PLCG2: variants seen among roughly 807,000 people sequenced by gnomAD.
The protein encoded by PLCG2 is 1-phosphatidylinositol 4,5-bisphosphate phosphodiesterase gamma-2.
PLCG2 carries 69 observed loss-of-function variants against 175.6 expected under a neutral mutation model. That is an observed-to-expected ratio of 0.39 (90% CI 0.32 to 0.48). The LOEUF is 0.48. Ranked by LOEUF, PLCG2 falls within the 20% of genes least tolerant of loss-of-function variation. The pLI, the probability that PLCG2 is intolerant of heterozygous loss-of-function variation, is 0.91. For missense variants in PLCG2, 1,798 were observed against 1,650.9 expected (o/e 1.09, Z -1.54); for synonymous variants, 827 against 624.0 (o/e 1.33, Z -4.85).
intron 5 of PLCG2, among the ~76,000 whole-genome samples, chr16:81,860,473 A>C (rs1426058535): frequency 6.6e-6 from 1 of 152,104 alleles, no homozygotes; most frequent in Non-Finnish European, 1.5e-5. Context: ...AGAGGTAGCA[A>C]TTTGTATAAT....
At chr16:81,805,154 T>C (rs1198195843) in intron 2 of PLCG2, among the ~76,000 whole-genome samples, 1 of 152,038 alleles carries the variant, frequency 6.6e-6, no homozygotes, top group Non-Finnish European at 1.5e-5. Flanking sequence ...AAAATATTTA[T>C]GAAACAAGAG....
intron 1 of PLCG2, among the ~76,000 whole-genome samples, chr16:81,751,292 A>G (rs1909808093): frequency 6.6e-6 from 1 of 152,108 alleles, no homozygotes; most frequent in East Asian, 1.9e-4. Flanking sequence ...GGAACTAGAG[A>G]TTGATGGCCA....
intron 1 of PLCG2, among the ~76,000 whole-genome samples, chr16:81,744,518 A>G (rs1909665593): frequency 6.6e-6 from 1 of 152,130 alleles, no homozygotes; most frequent in South Asian, 2.1e-4. Context: ...TCTCACTTGT[A>G]ACCAAAAAAA....
At chr16:81,796,323 A>G (rs1049184879) in intron 2 of PLCG2, among the ~76,000 whole-genome samples, 3 of 151,976 alleles carry the variant, frequency 2.0e-5, no homozygotes, top group Non-Finnish European at 2.9e-5. Context: ...TGGTTTTGCA[A>G]CCTCCCAAGG....
In PLCG2 at chr16:81,870,866, C is replaced by A. The variant is rs201080992; in HGVS notation, c.579C>A (p.His193Gln). 6.3e-7 allele frequency: 1 copy of A among 1,594,434 alleles called. No individual in the cohort carries two copies. Among genetic ancestry groups the A allele is most frequent in the Non-Finnish European group, 8.6e-7 (1 of 1,168,616 alleles). Residue 193 changes from histidine to glutamine, a missense_variant, in exon 7 of 33, where the codon CAC becomes CAA. Physicochemically the swap from His to Gln is conservative, Grantham distance 24 (BLOSUM62 0). Transcript: ENST00000564138. ...LKDKFVEIGA[H>Q]KDELSFEQFH... ...CATATTTACAGGAAATAGGAGCACA[C>A]AAAGATGAGCTCAGCTTTGAACAGT...
At chr16:81,759,929 A>G (rs1458384542) in intron 2 of PLCG2, among the ~76,000 whole-genome samples, 2 of 152,172 alleles carry the variant, frequency 1.3e-5, no homozygotes, top group Non-Finnish European at 2.9e-5. Flanking sequence ...GATCGAGACC[A>G]TCCTGGCTAA....
At chr16:81,954,453 G>C (rs1326317240) in intron 31 of PLCG2, among the ~76,000 whole-genome samples, 1 of 152,156 alleles carries the variant, frequency 6.6e-6, no homozygotes, top group Non-Finnish European at 1.5e-5. Flanking sequence ...GTGGTTTGCT[G>C]TACTCGTCAA....
At chr16:81,792,019 G>A (rs1911254534) in intron 2 of PLCG2, among the ~76,000 whole-genome samples, 1 of 152,204 alleles carries the variant, frequency 6.6e-6, no homozygotes, top group Admixed American at 6.5e-5. Context: ...TTCAAGGAAA[G>A]GAAATTTCTC....
At chr16:81,795,882 G>C (rs550695885) in intron 2 of PLCG2, among the ~76,000 whole-genome samples, 102 of 152,302 alleles carry the variant, frequency 6.7e-4, no homozygotes, top group African/African-American at 2.4e-3. Context: ...ACCTTCTATT[G>C]AACAGAATTT....
At position 81,786,095 on chromosome 16, in the gene PLCG2, T is replaced by C; in HGVS notation, c.106T>C (p.Ser36Pro). ...GATGACTGTGTTCAGCTTCCGCAAG[T>C]CCACCCCCGAGCGGAGAACCGTCCA... ...TVMTVFSFRK[S>P]TPERRTVQVI... Residue 36 changes from serine (S) to proline (P), a missense_variant, in exon 2 of 33, where the codon TCC becomes CCC. Transcript: ENST00000564138. 1 of 1,614,102 alleles carries C rather than the reference T, an allele frequency of 6.2e-7. No individual in the cohort carries two copies. Among genetic ancestry groups the C allele is most frequent in the East Asian group, 2.2e-5 (1 of 44,876 alleles).
intron 2 of PLCG2, among the ~76,000 whole-genome samples, chr16:81,834,575 G>T (rs1905416728): frequency 6.8e-6 from 1 of 147,446 alleles, no homozygotes; most frequent in South Asian, 2.1e-4. Context: ...GTGGTTGATA[G>T]ACCCTGGATC....
At chr16:81,826,212 C>G (rs1313205487) in intron 2 of PLCG2, among the ~76,000 whole-genome samples, 1 of 152,210 alleles carries the variant, frequency 6.6e-6, no homozygotes, top group Admixed American at 6.5e-5. Flanking sequence ...ACCTTCATTT[C>G]TGGCATCATG....
chr16:81,862,553 C>T (rs1024998589), intron 5 of PLCG2, among the ~76,000 whole-genome samples: 1 of 152,146 alleles, frequency 6.6e-6, no homozygotes, highest in East Asian at 1.9e-4. Flanking sequence ...TGTTGCTTTT[C>T]CTTTTTTCTT....
At chr16:81,859,820 G>T (rs1245119203) in intron 5 of PLCG2, among the ~76,000 whole-genome samples, 1 of 152,192 alleles carries the variant, frequency 6.6e-6, no homozygotes, top group Non-Finnish European at 1.5e-5. Flanking sequence ...ACAGGCATGA[G>T]CCACCGCGCC....
chr16:81,756,167 G>C (rs1434503208), intron 2 of PLCG2, among the ~76,000 whole-genome samples: 1 of 152,254 alleles, frequency 6.6e-6, no homozygotes, highest in Admixed American at 6.5e-5. Flanking sequence ...AGATCAAATA[G>C]GGCTGCTAAG....
At chr16:81,862,999 A>G (rs984082959) in intron 5 of PLCG2, among the ~76,000 whole-genome samples, 4 of 152,274 alleles carry the variant, frequency 2.6e-5, no homozygotes, top group African/African-American at 9.6e-5. Flanking sequence ...GATTAAAAAA[A>G]ATTAAAAACA....
chr16:81,810,317 C>G (rs575572421), intron 2 of PLCG2, among the ~76,000 whole-genome samples: 89 of 152,354 alleles, frequency 5.8e-4, no homozygotes, highest in African/African-American at 2.0e-3. Flanking sequence ...CGACTCTAGT[C>G]TATAGAACAC....
At chr16:81,883,168 G>A in intron 8 of PLCG2, 101 bp from the exon 9 acceptor site, 3 of 942,136 alleles carry the variant, frequency 3.2e-6, no homozygotes, top group Admixed American at 3.5e-5. Context: ...AGACTAAGTG[G>A]GGCGTTCTGG....
chr16:81,745,633 T>G (rs1909689285), intron 1 of PLCG2, among the ~76,000 whole-genome samples: 1 of 152,220 alleles, frequency 6.6e-6, no homozygotes, highest in Admixed American at 6.5e-5. Context: ...TATGTGGATT[T>G]ACTGTTCTCA....
Sources: gnomAD v4.1 joint callset for allele counts (sites outside exome capture counted in the v4.1 genomes callset) on GRCh38, gnomAD v4.1.1 for gene constraint, MANE v1.5 for transcripts, NCBI Gene and HGNC (gene_info 2026-07-23, HGNC 2026-07-21) for gene names.